DZIP3: variants seen among roughly 807,000 people sequenced by gnomAD.
DZIP3 encodes DAZ interacting zinc finger protein 3, also known as E3 ubiquitin-protein ligase DZIP3.
DZIP3 carries 118 observed loss-of-function variants against 162.0 expected under a neutral mutation model. The observed-to-expected ratio is 0.73, with a 90% CI of 0.63 to 0.85. DZIP3 has a LOEUF of 0.85. DZIP3 is among the 40% of genes least tolerant of loss of function. DZIP3 has a pLI of 0.00. For synonymous variants in DZIP3, 438 were observed against 458.6 expected (o/e 0.96, Z 0.57); for missense variants, 1,331 against 1,407.0 (o/e 0.95, Z 0.86).
chr3:108,673,089 C>G (rs756026543), intron 23 of DZIP3, among the ~76,000 whole-genome samples: 1 of 151,966 alleles, frequency 6.6e-6, no homozygotes, highest in Non-Finnish European at 1.5e-5. Context: ...AGACTGCCAG[C>G]TTTTTCTAAG....
chr3:108,592,530 C>G (rs1166837251), intron 1 of DZIP3, among the ~76,000 whole-genome samples: 1 of 151,822 alleles, frequency 6.6e-6, no homozygotes, highest in South Asian at 2.1e-4. Context: ...CCCACCTCTA[C>G]TAAAAATACA....
chr3:108,686,893 T>A (rs1311166250), intron 28 of DZIP3, among the ~76,000 whole-genome samples: 1 of 152,184 alleles, frequency 6.6e-6, no homozygotes, highest in African/African-American at 2.4e-5. Context: ...CTGCCATTAT[T>A]ATCTTAACCT....
intron 8 of DZIP3, among the ~76,000 whole-genome samples, chr3:108,629,748 A>T (rs1211328827): frequency 1.3e-5 from 2 of 151,696 alleles, no homozygotes; most frequent in Non-Finnish European, 2.9e-5. Context: ...TTAGACTATT[A>T]TACAATGCGA....
intron 19 of DZIP3, among the ~76,000 whole-genome samples, chr3:108,658,709 T>A (rs1388067782): frequency 6.6e-6 from 1 of 152,108 alleles, no homozygotes; most frequent in African/African-American, 2.4e-5. Context: ...GGAGCTGGTT[T>A]TTTGAAAAGA....
intron 21 of DZIP3, among the ~76,000 whole-genome samples, chr3:108,662,590 A>G (rs917461034): frequency 2.0e-5 from 3 of 152,226 alleles, no homozygotes; most frequent in Non-Finnish European, 2.9e-5. Flanking sequence ...ATAGTATATG[A>G]GTACATTCCT....
intron 26 of DZIP3, among the ~76,000 whole-genome samples, chr3:108,683,578 T>C (rs142383873): frequency 5.6e-4 from 85 of 152,286 alleles, no homozygotes; most frequent in African/African-American, 2.0e-3. Flanking sequence ...TTTCCACAGA[T>C]AGCTGCTAAG....
At chr3:108,662,066 T>C (rs1252894775) in intron 20 of DZIP3, 64 bp from the exon 21 acceptor site, 3 of 1,566,498 alleles carry the variant, frequency 1.9e-6, no homozygotes, top group Non-Finnish European at 2.6e-6. Context: ...CTTAGTTTGC[T>C]TTTTTCTTTC....
chr3:108,610,100 A>T (rs984137746), intron 3 of DZIP3, among the ~76,000 whole-genome samples: 3 of 152,194 alleles, frequency 2.0e-5, no homozygotes, highest in African/African-American at 7.2e-5. Flanking sequence ...GAATAGTAGT[A>T]CAATGAACAT....
chr3:108,644,285 G>T lies in DZIP3; in HGVS notation c.1263G>T (p.Leu421Phe). Residue 421 changes from leucine (L) to phenylalanine (F), a missense_variant, in exon 14 of 33, where the codon TTG becomes TTT. Transcript: ENST00000361582. ...ATGAGGCTATGCCACCTCCTCTTTTGAAAAAAGAGCTTCTTATACACAAGA... is the reference window on the plus strand; with the variant it reads ...ATGAGGCTATGCCACCTCCTCTTTTTAAAAAAGAGCTTCTTATACACAAGA... ...IFDEAMPPPL[L>F]KKELLIHKNV... is the part of the protein sequence containing the mutation. 6.2e-7 allele frequency: 1 copy of T among 1,613,726 alleles called. No individual in the cohort carries two copies. Among genetic ancestry groups the T allele is most frequent in the South Asian group, 1.1e-5 (1 of 91,050 alleles).
chr3:108,658,569 CAATT>C (rs1484497629), intron 19 of DZIP3, among the ~76,000 whole-genome samples: 9 of 151,988 alleles, frequency 5.9e-5, no homozygotes, highest in African/African-American at 2.2e-4. Flanking sequence ...CCTAACATCA[CAATT>C]AAAAGAACTA....
In DZIP3 at chr3:108,690,846, G is replaced by A. The variant is rs370259591; in HGVS notation, c.3576G>A (p.Leu1192=). Residue 1192 remains leucine (L), a synonymous_variant, in exon 32 of 33, where the codon TTG becomes TTA. Transcript: ENST00000361582. ...GTCCAACGTGCAGACTCCACGTTTTGCTACCAGAAGAATTCCCTGGTCACC... is the reference window on the plus strand; with the variant it reads ...GTCCAACGTGCAGACTCCACGTTTTACTACCAGAAGAATTCCCTGGTCACC... ...GTCPTCRLHV[L]LPEEFPGHPS... is the part of the protein sequence containing the mutation. 76 of 1,614,126 alleles carry A rather than the reference G, an allele frequency of 4.7e-5. No homozygotes were observed. The East Asian group carries it at 6.5e-4, about 14-fold the overall frequency.
In DZIP3 at chr3:108,688,717, G is replaced by T; in HGVS notation, c.3395G>T (p.Trp1132Leu). The change falls in exon 30 of 33, where the codon TGG becomes TTG. Residue 1132 changes from tryptophan (W) to leucine (L), a missense_variant. By Grantham distance (61) the Trp-to-Leu change is moderately conservative. Transcript: ENST00000361582. Reference sequence around the variant, plus strand: ...CTCACTTCACAGGGTCCTGCCACATGGGAAGGAGCCAGTAATCCAGTGAGA... The same window carrying T: ...CTCACTTCACAGGGTCCTGCCACATTGGAAGGAGCCAGTAATCCAGTGAGA... Reference protein sequence around the residue: ...RPLTSQGPATWEGASNPDEEE... With the variant: ...RPLTSQGPATLEGASNPDEEE... The T allele has an allele frequency of 6.2e-7, 1 of 1,613,986 alleles. No homozygotes were observed. The highest frequency in any genetic ancestry group is 8.5e-7 in the Non-Finnish European group (1 of 1,179,972).
intron 12 of DZIP3, among the ~76,000 whole-genome samples, chr3:108,641,551 T>C (rs2107634863): frequency 6.6e-6 from 1 of 152,310 alleles, no homozygotes; most frequent in African/African-American, 2.4e-5. Context: ...TTCCAGAATA[T>C]ATACCTAAAA....
Position 108,688,922 on chromosome 3 carries a change from C to A in DZIP3, c.3514C>A (p.Gln1172Lys), listed in dbSNP as rs1189633276. ...VLPCAHKFHA[Q>K]CIRPWLMQQG... ...GCCTTGCGCTCACAAATTCCATGCTCAGGTAACACTTTAAATTTTCCCATT... is the reference window on the plus strand; with the variant it reads ...GCCTTGCGCTCACAAATTCCATGCTAAGGTAACACTTTAAATTTTCCCATT... The change falls in exon 31 of 33, where the codon CAG becomes AAG. Residue 1172 changes from glutamine to lysine, a missense_variant and splice_region_variant. By Grantham distance (53) the Gln-to-Lys change is moderately conservative. This residue lies in a region of DZIP3 where 53 missense variants were observed against 89.9 expected (regional missense o/e 0.59). Transcript: ENST00000361582. 1 of 1,613,876 alleles carries A rather than the reference C, an allele frequency of 6.2e-7. No individual in the cohort carries two copies. The highest frequency in any genetic ancestry group is 1.1e-5 in the South Asian group (1 of 91,062).
intron 14 of DZIP3, 86 bp downstream of exon 14, chr3:108,644,867 AT>A: frequency 7.8e-7 from 1 of 1,284,612 alleles, no homozygotes; most frequent in Non-Finnish European, 1.1e-6. Context: ...AGGGCAAGAG[AT>A]TCAGTGAGCT....
At chr3:108,618,331 A>T (rs951521491) in intron 5 of DZIP3, among the ~76,000 whole-genome samples, 1 of 152,184 alleles carries the variant, frequency 6.6e-6, no homozygotes, top group Non-Finnish European at 1.5e-5. Flanking sequence ...CTGTTATGTT[A>T]TTCATGAAGC....
At chr3:108,606,550 A>T (rs1265930966) in intron 2 of DZIP3, among the ~76,000 whole-genome samples, 3 of 152,214 alleles carry the variant, frequency 2.0e-5, no homozygotes, top group Non-Finnish European at 4.4e-5. Context: ...AAGAAAAAAT[A>T]ATTATTCCAC....
intron 18 of DZIP3, among the ~76,000 whole-genome samples, chr3:108,653,507 G>GTGTGTATATATATATA (rs1273159630): frequency 1.9e-5 from 2 of 104,602 alleles, no homozygotes; most frequent in African/African-American, 3.4e-5. Flanking sequence ...GTGTGTGTGT[G>GTGTGTATATATATATA]TATATATATA....
Position 108,648,903 on chromosome 3 carries a change from T to C in DZIP3, c.1963-15T>C. 1 of 1,149,092 alleles carries C rather than the reference T, an allele frequency of 8.7e-7. No homozygotes were observed. The highest frequency in any genetic ancestry group is 1.1e-6 in the Non-Finnish European group (1 of 870,124). 71.2% of individuals were successfully genotyped at this position (1,149,092 alleles called of 1,614,324 possible). A position where few individuals can be genotyped will look rare whatever the true frequency, so the allele number is the denominator to read the frequency against. The stretch of plus-strand genomic sequence containing the variant: ...TTTGAATTACATATTTAATAAATAA[T>C]TTTTTACCTACTAGGTTAAGAGTAA... On this transcript the variant is annotated splice_polypyrimidine_tract_variant and intron_variant, in intron 16 of 32. Coordinates refer to ENST00000361582, the MANE Select transcript of DZIP3 (RefSeq NM_014648.4).
Sources: gnomAD v4.1 joint callset for allele counts (sites outside exome capture counted in the v4.1 genomes callset) on GRCh38, gnomAD v4.1.1 for gene constraint, gnomAD v4.1.1 regional missense constraint, MANE v1.5 for transcripts, NCBI Gene and HGNC (gene_info 2026-07-23, HGNC 2026-07-21) for gene names.